Variants in PRDM1 observed in about 807,000 individuals in gnomAD.
PRDM1 encodes PR/SET domain 1.
In PRDM1, 13 loss-of-function variants were observed where a neutral mutation model predicts 62.8. The ratio of observed to expected loss-of-function variants is 0.21; its 90% CI spans 0.13 to 0.33. The LOEUF is 0.33. Among genes scored for constraint, PRDM1 ranks in the 10% least tolerant of loss-of-function variants. The pLI is 1.00. For missense variants in PRDM1, 895 were observed against 1,058.8 expected (o/e 0.85, Z 2.15); for synonymous variants, 396 against 417.6 (o/e 0.95, Z 0.63).
chr6:106,109,334 C>T lies in PRDM1; in HGVS notation c.*1848C>T, dbSNP rs934325639. 4.3e-6 allele frequency: 1 copy of T among 232,786 alleles called. No individual in the cohort carries two copies. Among genetic ancestry groups the T allele is most frequent in the African/African-American group, 2.2e-5 (1 of 45,312 alleles). 14.4% of individuals were successfully genotyped at this position (232,786 alleles called of 1,614,324 possible). Reference sequence around the variant, plus strand: ...CACTTTATGATTATGTGGTCACACCCAAGTCACAGAAATAAAAAACTGACT... The same window carrying T: ...CACTTTATGATTATGTGGTCACACCTAAGTCACAGAAATAAAAAACTGACT... On this transcript the variant is annotated 3_prime_UTR_variant, in exon 7 of 7. Transcript: ENST00000369096.
chr6:105,998,482 T>C (rs1772377989), intron 1 of PRDM1, among the ~76,000 whole-genome samples: 1 of 152,208 alleles, frequency 6.6e-6, no homozygotes, highest in South Asian at 2.1e-4. Flanking sequence ...TAAATTAATA[T>C]ATAAGGTGCA....
chr6:106,090,561 T>C (rs1452604582), intron 2 of PRDM1, among the ~76,000 whole-genome samples: 1 of 152,216 alleles, frequency 6.6e-6, no homozygotes, highest in African/African-American at 2.4e-5. Context: ...CAGCTTCCTT[T>C]AGAAGGTGAA....
At chr6:106,017,386 C>T (rs147614509) in intron 1 of PRDM1, among the ~76,000 whole-genome samples, 1 of 152,270 alleles carries the variant, frequency 6.6e-6, no homozygotes, top group East Asian at 1.9e-4. Context: ...ACATGGCAGT[C>T]AGAAGGCAAT....
At chr6:106,094,913 A>C in intron 2 of PRDM1, among the ~76,000 whole-genome samples, 1 of 128,544 alleles carries the variant, frequency 7.8e-6, no homozygotes, top group Middle Eastern at 4.2e-3. Flanking sequence ...TAAAACACAC[A>C]CACACACACA....
chr6:106,000,847 A>T (rs532740008), intron 1 of PRDM1, among the ~76,000 whole-genome samples: 1 of 152,354 alleles, frequency 6.6e-6, no homozygotes, highest in Admixed American at 6.5e-5. Flanking sequence ...TGAACTTCTC[A>T]TACATATCTC....
upstream of PRDM1, among the ~76,000 whole-genome samples, chr6:106,081,993 C>G (rs1261993851): frequency 6.6e-6 from 1 of 152,188 alleles, no homozygotes; most frequent in African/African-American, 2.4e-5. Context: ...GAGTCCTCCC[C>G]TCTTCCAGAA....
intron 1 of PRDM1, among the ~76,000 whole-genome samples, chr6:106,038,856 A>G (rs1051673051): frequency 2.6e-5 from 4 of 152,194 alleles, no homozygotes; most frequent in African/African-American, 9.7e-5. Context: ...ATGAGTTCCA[A>G]AATAGTTACA....
chr6:106,071,411 A>G (rs1302417907), intron 1 of PRDM1, among the ~76,000 whole-genome samples: 1 of 152,168 alleles, frequency 6.6e-6, no homozygotes, highest in Admixed American at 6.5e-5. Context: ...ACACACACAT[A>G]CATACATACA....
intron 1 of PRDM1, among the ~76,000 whole-genome samples, chr6:106,021,218 GC>G (rs1318008640): frequency 6.6e-6 from 1 of 152,166 alleles, no homozygotes; most frequent in Non-Finnish European, 1.5e-5. Flanking sequence ...CTTCGGTTAT[GC>G]TTTCTTTTTA....
At chr6:105,993,796 T>G (rs1772313301) in intron 1 of PRDM1, among the ~76,000 whole-genome samples, 1 of 151,900 alleles carries the variant, frequency 6.6e-6, no homozygotes. Flanking sequence ...TGATATCGCT[T>G]AATCTGTAAT....
chr6:106,087,423 TTA>T (rs1370361271), intron 1 of PRDM1, among the ~76,000 whole-genome samples: 3 of 152,184 alleles, frequency 2.0e-5, no homozygotes, highest in Non-Finnish European at 4.4e-5. Context: ...TTAAACGGTT[TTA>T]TGTTTTGTTT....
At position 106,104,946 on chromosome 6, in the gene PRDM1, A is replaced by C; in HGVS notation, c.786A>C (p.Lys262Asn). ...TAAAATTGGACTCCAACCCCTCCAAAGGAAAGGACCTCTACCGTTCTAACA... is the reference window on the plus strand; with the variant it reads ...TAAAATTGGACTCCAACCCCTCCAACGGAAAGGACCTCTACCGTTCTAACA... The part of the protein sequence containing the change: ...EILKLDSNPS[K>N]GKDLYRSNIS... Residue 262 changes from lysine to asparagine, a missense_variant, in exon 5 of 7, where the codon AAA (lysine) becomes AAC (asparagine). Coordinates refer to ENST00000369096, the MANE Select transcript of PRDM1 (RefSeq NM_001198.4). 6.2e-7 allele frequency: 1 copy of C among 1,614,178 alleles called. No individual in the cohort carries two copies. The highest frequency in any genetic ancestry group is 8.5e-7 in the Non-Finnish European group (1 of 1,180,022).
intron 1 of PRDM1, among the ~76,000 whole-genome samples, chr6:106,070,621 T>C (rs1258534665): frequency 3.3e-5 from 5 of 152,358 alleles, no homozygotes; most frequent in African/African-American, 9.6e-5. Flanking sequence ...TTGGTATATA[T>C]AGGTAAATTT....
rs1215109924 is a variant in PRDM1 at position 106,086,616 on chromosome 6, T to C, written c.42+21T>C. On this transcript the variant is annotated intron_variant, in intron 1 of 6. Transcript: ENST00000369096. The stretch of plus-strand genomic sequence containing the variant: ...CCTTGGTAAGGAACTTGAATTTTTT[T>C]TTTTTAATTCTGAAATTGATCTGAA... The C allele has an allele frequency of 1.9e-6, 3 of 1,543,726 alleles. No individual in the cohort carries two copies. In the African/African-American group the frequency reaches 4.1e-5, roughly 21 times the overall value.
At chr6:106,101,998 T>TAAC (rs1774287835) in intron 4 of PRDM1, among the ~76,000 whole-genome samples, 1 of 152,236 alleles carries the variant, frequency 6.6e-6, no homozygotes, top group Non-Finnish European at 1.5e-5. Flanking sequence ...TCTATCTAAC[T>TAAC]AACCCATCTA....
intron 1 of PRDM1, among the ~76,000 whole-genome samples, chr6:106,018,235 C>T (rs990675824): frequency 1.3e-5 from 2 of 151,820 alleles, no homozygotes; most frequent in Non-Finnish European, 1.5e-5. Context: ...AGTAATGGAA[C>T]GTATAGTTAT....
chr6:106,099,602 C>T, intron 4 of PRDM1, 50 bp downstream of exon 4: 2 of 1,601,264 alleles, frequency 1.2e-6, no homozygotes, highest in South Asian at 2.2e-5. Flanking sequence ...AATGTCGGTT[C>T]TGCCCCTTTG....
rs2114585057 is a variant in PRDM1 at position 106,052,587 on chromosome 6, AGACT to A, written c.-67+3875_-67+3878del. Reference sequence around the variant, plus strand: ...TGTTTTGGATCCTCTGTTGGAAGACAGACTGTCTCCTTGATGATGCATTGGGTAG... The same window carrying A: ...TGTTTTGGATCCTCTGTTGGAAGACAGTCTCCTTGATGATGCATTGGGTAG... On this transcript the variant is annotated intron_variant, in intron 1 of 6. Coordinates refer to the PRDM1 transcript ENST00000651185. Among the ~76,000 whole-genome samples, 4 of 152,272 alleles carry A rather than the reference AGACT, an allele frequency of 2.6e-5. No homozygotes were observed. In the Middle Eastern group the frequency reaches 0.01, roughly 388 times the overall value.
intron 1 of PRDM1, among the ~76,000 whole-genome samples, chr6:106,069,249 A>G (rs150241983): frequency 5.3e-5 from 8 of 152,332 alleles, no homozygotes; most frequent in African/African-American, 1.7e-4. Flanking sequence ...ATGACTCCCA[A>G]TAATGTCTAG....
Sources: allele counts gnomAD v4.1 joint callset (sites outside exome capture counted in the v4.1 genomes callset), GRCh38; gene constraint gnomAD v4.1.1; transcripts MANE v1.5; gene names NCBI Gene and HGNC (gene_info 2026-07-23, HGNC 2026-07-21).